Variants in DCDC2 observed in about 807,000 individuals in gnomAD.
The protein encoded by DCDC2 is doublecortin domain containing 2, also known as doublecortin domain-containing protein 2.
In DCDC2, 40 loss-of-function variants were observed where a neutral mutation model predicts 50.2. The ratio of observed to expected loss-of-function variants is 0.80; its 90% CI spans 0.62 to 1.04. DCDC2 has a LOEUF of 1.04. Ranked by LOEUF, DCDC2 falls within the 50% of genes least tolerant of loss-of-function variation. The pLI is 0.00. For synonymous variants in DCDC2, 234 were observed against 210.6 expected, an observed-to-expected ratio of 1.11 and a Z score of -0.96; for missense variants, 570 against 581.9, an observed-to-expected ratio of 0.98 and a Z score of 0.21.
Position 24,302,028 on chromosome 6 carries a change from T to C in DCDC2, c.365A>G (p.His122Arg), listed in dbSNP as rs761093126. 2.5e-6 allele frequency: 4 copies of C among 1,613,660 alleles called. No homozygotes were observed. The highest frequency in any genetic ancestry group is 1.7e-4 in the Middle Eastern group (1 of 6,054). The change falls in exon 3 of 10, where the codon CAT (histidine) becomes CGT (arginine). Residue 122 changes from histidine (H) to arginine (R), a missense_variant. Transcript: ENST00000378454. Reference sequence around the variant, plus strand: ...GCGAGCTGACACGTTGATCCTGCTATGGATTACTGGTTTTACCTTTAAAAG... The same window carrying C: ...GCGAGCTGACACGTTGATCCTGCTACGGATTACTGGTTTTACCTTTAAAAG... ...VVNTEVKPVI[H>R]SRINVSARFR... is the part of the protein sequence containing the mutation.
At chr6:24,199,184 T>C (rs986077473) in intron 8 of DCDC2, among the ~76,000 whole-genome samples, 1 of 152,200 alleles carries the variant, frequency 6.6e-6, no homozygotes, top group Non-Finnish European at 1.5e-5. Context: ...CCTCCTGAAG[T>C]GGGTCCCTGA....
chr6:24,329,901 A>G (rs1405929304), intron 2 of DCDC2, among the ~76,000 whole-genome samples: 1 of 152,190 alleles, frequency 6.6e-6, no homozygotes, highest in Non-Finnish European at 1.5e-5. Context: ...CTTGCATGGT[A>G]TGAAATACTG....
chr6:24,293,071 T>C (rs1298393792), intron 4 of DCDC2, among the ~76,000 whole-genome samples: 1 of 152,242 alleles, frequency 6.6e-6, no homozygotes, highest in African/African-American at 2.4e-5. Context: ...AAGATTTGAC[T>C]TGTTTCCTCT....
intron 8 of DCDC2, among the ~76,000 whole-genome samples, chr6:24,185,783 C>T (rs1380825152): frequency 6.6e-6 from 1 of 151,970 alleles, no homozygotes; most frequent in Non-Finnish European, 1.5e-5. Flanking sequence ...AGGAAAAGGG[C>T]ACTCCCTCTA....
At chr6:24,381,084 GAAAA>G in the DCDC2 span, among the ~76,000 whole-genome samples, 1 of 91,790 alleles carries the variant, frequency 1.1e-5, no homozygotes. Flanking sequence ...CTTGTCTCAA[GAAAA>G]AAAAAAAAAA....
Position 24,210,443 on chromosome 6 carries a change from G to C in DCDC2, c.923-5341C>G, listed in dbSNP as rs142588875. Among the ~76,000 whole-genome samples the C allele has an allele frequency of 2.8e-3, 424 of 152,116 alleles. 1 individual carries two copies. Among genetic ancestry groups the C allele is most frequent in the African/African-American group, 9.7e-3 (402 of 41,504 alleles). ...CTCATCCCCCAGATTCCCCAACCCA[G>C]GAAATGGCACCACTTCTCAATCCCA... On this transcript the variant is annotated intron_variant, in intron 7 of 9. Coordinates refer to ENST00000378454, the MANE Select transcript of DCDC2 (RefSeq NM_016356.5).
intron 2 of DCDC2, among the ~76,000 whole-genome samples, chr6:24,351,915 C>A (rs539979047): frequency 2.0e-5 from 3 of 152,112 alleles, no homozygotes; most frequent in Non-Finnish European, 4.4e-5. Context: ...ACCAGCCTGA[C>A]CAACATGCTG....
intron 7 of DCDC2, among the ~76,000 whole-genome samples, chr6:24,235,241 C>T (rs1762418138): frequency 6.6e-6 from 1 of 152,196 alleles, no homozygotes; most frequent in Non-Finnish European, 1.5e-5. Flanking sequence ...GCAGTCATCA[C>T]AGTGAATGGG....
intron 7 of DCDC2, among the ~76,000 whole-genome samples, chr6:24,268,902 A>T (rs565299738): frequency 1.3e-5 from 2 of 152,284 alleles, no homozygotes; most frequent in East Asian, 3.9e-4. Context: ...AGGAAATAAA[A>T]TCTTGCCCAG....
intron 2 of DCDC2, among the ~76,000 whole-genome samples, chr6:24,319,054 T>C (rs1759725483): frequency 6.6e-6 from 1 of 152,150 alleles, no homozygotes; most frequent in Non-Finnish European, 1.5e-5. Flanking sequence ...ACCAACAGTG[T>C]ATAAGTATTT....
At chr6:24,365,458 A>G in the DCDC2 span, among the ~76,000 whole-genome samples, 1 of 152,206 alleles carries the variant, frequency 6.6e-6, no homozygotes, top group South Asian at 2.1e-4. Context: ...TGCCAATCTA[A>G]TTTTTGTATT....
chr6:24,305,597 G>A (rs1434793359), intron 2 of DCDC2, among the ~76,000 whole-genome samples: 1 of 152,142 alleles, frequency 6.6e-6, no homozygotes, highest in Non-Finnish European at 1.5e-5. Flanking sequence ...AGCCCTAATC[G>A]GGGATAAAGG....
intron 4 of DCDC2, among the ~76,000 whole-genome samples, chr6:24,301,069 CA>C (rs1169619583): frequency 6.9e-6 from 1 of 145,500 alleles, no homozygotes; most frequent in Non-Finnish European, 1.5e-5. Context: ...AAAAAACGGA[CA>C]ATTAAGAGTT....
intron 7 of DCDC2, among the ~76,000 whole-genome samples, chr6:24,241,251 G>T (rs1762555778): frequency 6.6e-6 from 1 of 152,138 alleles, no homozygotes. Context: ...TCAAAACTGT[G>T]ACCAAAAAAG....
intron 7 of DCDC2, among the ~76,000 whole-genome samples, chr6:24,217,877 TCA>T (rs1359588929): frequency 1.3e-5 from 2 of 152,206 alleles, no homozygotes; most frequent in Admixed American, 1.3e-4. Flanking sequence ...TATAATGTAC[TCA>T]GTTTAGCATA....
intron 7 of DCDC2, among the ~76,000 whole-genome samples, chr6:24,266,025 C>A (rs1003168852): frequency 6.6e-6 from 1 of 151,620 alleles, no homozygotes; most frequent in Non-Finnish European, 1.5e-5. Context: ...AACAGAGAAC[C>A]CAGAAATAAA....
chr6:24,172,127 G>C lies in DCDC2; in HGVS notation c.*2603C>G, dbSNP rs1335850791. The C allele has an allele frequency of 1.3e-5, 2 of 152,150 alleles. No homozygotes were observed. Among genetic ancestry groups the C allele is most frequent in the African/African-American group, 2.4e-5 (1 of 41,446 alleles). The allele number at this position is 152,150 out of a possible 1,614,324, so 9.4% of individuals were successfully genotyped here. A position where few individuals can be genotyped will look rare whatever the true frequency, so the allele number is the denominator to read the frequency against. ...ACAGAGAAAACTGCCACATTTGTGAGGTGAATGAACTTTCAGCATTTATGT... is the reference window on the plus strand; with the variant it reads ...ACAGAGAAAACTGCCACATTTGTGACGTGAATGAACTTTCAGCATTTATGT... On this transcript the variant is annotated 3_prime_UTR_variant, in exon 10 of 10. Transcript: ENST00000378454.
At chr6:24,284,923 GC>G (rs1169267086) in intron 6 of DCDC2, among the ~76,000 whole-genome samples, 1 of 152,066 alleles carries the variant, frequency 6.6e-6, no homozygotes, top group Non-Finnish European at 1.5e-5. Flanking sequence ...ATAAATCAAT[GC>G]CCTGCTACAT....
intron 7 of DCDC2, among the ~76,000 whole-genome samples, chr6:24,219,824 T>C (rs763154988): frequency 4.6e-5 from 7 of 152,174 alleles, no homozygotes; most frequent in South Asian, 2.1e-4. Context: ...GTGTTTGTGG[T>C]TACCAAGCAA....
Sources: gnomAD v4.1 joint callset for allele counts (sites outside exome capture counted in the v4.1 genomes callset) on GRCh38, gnomAD v4.1.1 for gene constraint, MANE v1.5 for transcripts, NCBI Gene and HGNC (gene_info 2026-07-23, HGNC 2026-07-21) for gene names.